CPA6: variants seen among roughly 807,000 people sequenced by gnomAD.
CPA6 encodes the protein carboxypeptidase B.
Under a neutral mutation model 63.3 loss-of-function variants are expected in CPA6, and 58 were observed. The observed-to-expected ratio is 0.92, with a 90% CI of 0.74 to 1.14. CPA6 has a LOEUF of 1.14. Ranked by LOEUF, CPA6 falls within the 50% of genes most tolerant of loss-of-function variation. The probability of loss-of-function intolerance (pLI) is 0.00; values close to 1 mark genes in which losing one functional copy is unlikely to be tolerated. For missense variants in CPA6, 565 were observed against 526.6 expected (o/e 1.07, Z -0.71); for synonymous variants, 185 against 179.0 (o/e 1.03, Z -0.27).
intron 8 of CPA6, among the ~76,000 whole-genome samples, chr8:67,465,573 A>T (rs1810906838): frequency 6.6e-6 from 1 of 152,110 alleles, no homozygotes; most frequent in Admixed American, 6.5e-5. Flanking sequence ...GTTTTGTTCC[A>T]GTTCACAAGG....
intron 1 of CPA6, among the ~76,000 whole-genome samples, chr8:67,630,391 A>G (rs770671071): frequency 5.9e-5 from 9 of 152,048 alleles, no homozygotes; most frequent in Non-Finnish European, 4.4e-5. Context: ...CCACACAGAC[A>G]TGGGGAGAAC....
At chr8:67,611,152 G>A (rs192955937) in intron 2 of CPA6, among the ~76,000 whole-genome samples, 28 of 151,554 alleles carry the variant, frequency 1.8e-4, no homozygotes, top group Non-Finnish European at 3.2e-4. Context: ...GTGCAATGCC[G>A]GCTCACTGCA....
intron 8 of CPA6, among the ~76,000 whole-genome samples, chr8:67,477,311 GA>G (rs1203013002): frequency 2.5e-3 from 307 of 121,490 alleles, no homozygotes; most frequent in South Asian, 8.7e-3. Flanking sequence ...AAAAAAAAAG[GA>G]AAAAAAAAAA....
At chr8:67,468,013 A>G (rs1426371025) in intron 8 of CPA6, among the ~76,000 whole-genome samples, 1 of 151,294 alleles carries the variant, frequency 6.6e-6, no homozygotes, top group African/African-American at 2.4e-5. Flanking sequence ...AGCCAAGATC[A>G]TGCCACTGCA....
chr8:67,456,644 G>A (rs1251363749), intron 8 of CPA6, among the ~76,000 whole-genome samples: 1 of 152,160 alleles, frequency 6.6e-6, no homozygotes, highest in Non-Finnish European at 1.5e-5. Flanking sequence ...AAGGGTCTTT[G>A]CTCTATATCC....
intron 2 of CPA6, among the ~76,000 whole-genome samples, chr8:67,539,183 G>A (rs1433021446): frequency 1.3e-5 from 2 of 152,284 alleles, no homozygotes; most frequent in South Asian, 2.1e-4. Flanking sequence ...GCTCTTGTAA[G>A]GTAGGCCTGG....
chr8:67,656,003 T>C (rs973827406), intron 1 of CPA6, among the ~76,000 whole-genome samples: 1 of 152,178 alleles, frequency 6.6e-6, no homozygotes, highest in African/African-American at 2.4e-5. Context: ...AGGAGGCTTA[T>C]GGGCTTTATG....
chr8:67,589,226 T>C (rs185056901), intron 2 of CPA6, among the ~76,000 whole-genome samples: 65 of 152,316 alleles, frequency 4.3e-4, no homozygotes, highest in Admixed American at 1.0e-3. Context: ...CTATTTCAAA[T>C]TTTCTGTAAA....
At chr8:67,539,283 T>C (rs191158388) in intron 2 of CPA6, among the ~76,000 whole-genome samples, 8 of 152,344 alleles carry the variant, frequency 5.3e-5, no homozygotes, top group Non-Finnish European at 1.2e-4. Context: ...TATGAAATCC[T>C]GGGTTGAAAA....
chr8:67,436,277 G>A (rs1384653652), intron 8 of CPA6, among the ~76,000 whole-genome samples: 1 of 152,080 alleles, frequency 6.6e-6, no homozygotes, highest in Non-Finnish European at 1.5e-5. Flanking sequence ...TTGCACTGGG[G>A]TTGGAGCCCA....
At chr8:67,509,150 C>G (rs868739130) in intron 5 of CPA6, among the ~76,000 whole-genome samples, 6 of 152,174 alleles carry the variant, frequency 3.9e-5, no homozygotes, top group African/African-American at 1.4e-4. Context: ...TCACCTCCCA[C>G]CAGGTTCCTC....
chr8:67,534,976 CCTGCGTTAGA>C (rs574235312), intron 2 of CPA6, among the ~76,000 whole-genome samples: 24 of 149,550 alleles, frequency 1.6e-4, no homozygotes, highest in Non-Finnish European at 2.7e-4. Flanking sequence ...GTTTTCTGTT[CCTGCGTTAGA>C]CTGCTGAGAA....
rs267601975 is a variant in CPA6, at chr8:67,509,560, G to A, written c.491C>T (p.Ser164Phe). ...KTHSGLIHMF[S>F]IGRSYEGRSL... ...TCTTCCCTCATATGATCTTCCAATA[G>A]AGAACATGTGAATGAGGCCTGAGTG... is the stretch of plus-strand genomic sequence containing the variant. The change falls in exon 5 of 11, where the codon TCT becomes TTT. Residue 164 changes from serine to phenylalanine, a missense_variant. Physicochemically the swap from Ser to Phe is radical, Grantham distance 155. Transcript: ENST00000297770. 1 of 1,597,902 alleles carries A rather than the reference G, an allele frequency of 6.3e-7. No individual in the cohort carries two copies. The highest frequency in any genetic ancestry group is 8.6e-7 in the Non-Finnish European group (1 of 1,169,516).
chr8:67,657,509 T>C (rs4737847), intron 1 of CPA6, among the ~76,000 whole-genome samples: 50,090 of 152,010 alleles, frequency 0.33, 9,342 homozygotes, highest in East Asian at 0.61. Context: ...TCAATAGCAA[T>C]GATAAATTGT....
chr8:67,448,067 G>A (rs540087960), intron 8 of CPA6, among the ~76,000 whole-genome samples: 1 of 152,248 alleles, frequency 6.6e-6, no homozygotes, highest in Non-Finnish European at 1.5e-5. Flanking sequence ...TTACAGGTGT[G>A]AGCCACTGTG....
At position 67,422,656 on chromosome 8, in the gene CPA6, TG is replaced by T. The variant is rs773418219; in HGVS notation, c.1161del (p.Tyr387Ter). 16 of 1,613,920 alleles carry T rather than the reference TG, an allele frequency of 9.9e-6. No individual in the cohort carries two copies. Among genetic ancestry groups the T allele is most frequent in the Non-Finnish European group, 1.3e-5 (15 of 1,179,998 alleles). ...GCAAATGCATAAGGTATTCCATTTT[TG>T]TAGGCCCAATCCATTGAGCTACCAG... ...VSSGSSMDWAYKNGIPYAFAF... is the reference protein window; with the variant it reads ...VSSGSSMDWAXKNGIPYAFAF... On this transcript the variant is annotated frameshift_variant, in exon 11 of 11. Coordinates refer to ENST00000297770, the MANE Select transcript of CPA6 (RefSeq NM_020361.5). LOFTEE classifies it high-confidence loss of function.
At chr8:67,673,494 C>T (rs1816398910) in intron 1 of CPA6, among the ~76,000 whole-genome samples, 1 of 150,890 alleles carries the variant, frequency 6.6e-6, no homozygotes, top group Non-Finnish European at 1.5e-5. Flanking sequence ...TGCCGTTCTC[C>T]TGCCTCAGCC....
At chr8:67,552,636 G>A (rs528753191) in intron 2 of CPA6, among the ~76,000 whole-genome samples, 9 of 151,808 alleles carry the variant, frequency 5.9e-5, no homozygotes, top group South Asian at 2.1e-4. Flanking sequence ...AGCTGGACGT[G>A]GTGGCACGTG....
intron 8 of CPA6, among the ~76,000 whole-genome samples, chr8:67,482,827 A>G (rs1291957722): frequency 2.2e-4 from 34 of 152,226 alleles, no homozygotes; most frequent in Admixed American, 1.5e-3. Flanking sequence ...TTTTAGAGCC[A>G]TATTCTTTTA....
Sources: allele counts gnomAD v4.1 joint callset (sites outside exome capture counted in the v4.1 genomes callset), GRCh38; gene constraint gnomAD v4.1.1; transcripts MANE v1.5; gene names NCBI Gene and HGNC (gene_info 2026-07-23, HGNC 2026-07-21).